Variants in DHX15 observed in about 807,000 individuals in gnomAD.
The protein encoded by DHX15 is DEAH-box helicase 15.
In DHX15, 11 loss-of-function variants were observed where a neutral mutation model predicts 94.4. That is an observed-to-expected ratio of 0.12 (90% CI 0.07 to 0.19). The LOEUF (loss-of-function observed/expected upper bound fraction) is 0.19. DHX15 is among the 10% of genes least tolerant of loss of function. DHX15 has a pLI of 1.00. For synonymous variants in DHX15, 338 were observed against 329.9 expected, an observed-to-expected ratio of 1.02 and a Z score of -0.27; for missense variants, 304 against 988.5, an observed-to-expected ratio of 0.31 and a Z score of 9.29.
intron 3 of DHX15, among the ~76,000 whole-genome samples, chr4:24,570,273 T>C (rs1722091738): frequency 6.6e-6 from 1 of 151,448 alleles, no homozygotes; most frequent in Admixed American, 6.6e-5. Flanking sequence ...CCTAAATAAA[T>C]CACATCCCAT....
Position 24,527,862 on chromosome 4 carries a change from C to G in DHX15, c.*62G>C, listed in dbSNP as rs1474858041. 4.0e-6 allele frequency: 5 copies of G among 1,262,550 alleles called. No individual in the cohort carries two copies. The highest frequency in any genetic ancestry group is 5.8e-6 in the Non-Finnish European group (5 of 865,670). 78.2% of individuals were successfully genotyped at this position (1,262,550 alleles called of 1,614,324 possible). A position where few individuals can be genotyped will look rare whatever the true frequency, so the allele number is the denominator to read the frequency against. The stretch of plus-strand genomic sequence containing the variant: ...ACCAACGTGAAGAGCACAACTCGAA[C>G]TTTTGAGTTCATTCATCTTTTAAAG... On this transcript the variant is annotated 3_prime_UTR_variant, in exon 14 of 14. Transcript: ENST00000336812.
intron 6 of DHX15, among the ~76,000 whole-genome samples, chr4:24,545,972 A>T (rs1387689928): frequency 2.0e-5 from 3 of 152,056 alleles, no homozygotes; most frequent in Non-Finnish European, 4.4e-5. Context: ...TCCCTCAATA[A>T]CCTGCCTTCT....
At chr4:24,547,903 G>GTGTA (rs1721469206) in intron 6 of DHX15, among the ~76,000 whole-genome samples, 14 of 70,664 alleles carry the variant, frequency 2.0e-4, no homozygotes, top group African/African-American at 6.7e-4. Flanking sequence ...GTATGTATGT[G>GTGTA]TATATATATA....
intron 3 of DHX15, among the ~76,000 whole-genome samples, chr4:24,567,929 G>T (rs1340708992): frequency 6.6e-6 from 1 of 152,270 alleles, no homozygotes; most frequent in African/African-American, 2.4e-5. Flanking sequence ...ACTGGGATGG[G>T]GTAGCCATTT....
Position 24,584,249 on chromosome 4 carries a change from C to T in DHX15, c.71+74G>A, listed in dbSNP as rs1200658093. On this transcript the variant is annotated intron_variant, in intron 1 of 13. Coordinates refer to ENST00000336812, the MANE Select transcript of DHX15 (RefSeq NM_001358.3). The stretch of plus-strand genomic sequence containing the variant: ...GGGCTCCAGGACCCGCTCGGCCAGG[C>T]CAGCCCCGGCCCGCTCCCTGCCAGG... The T allele has an allele frequency of 2.7e-6, 4 of 1,463,410 alleles. No individual in the cohort carries two copies. The African/African-American group carries it at 4.3e-5, about 16-fold the overall frequency. 90.7% of individuals were successfully genotyped at this position (1,463,410 alleles called of 1,614,324 possible). A position where few individuals can be genotyped will look rare whatever the true frequency, so the allele number is the denominator to read the frequency against.
intron 6 of DHX15, among the ~76,000 whole-genome samples, chr4:24,548,632 C>A (rs1721512281): frequency 6.6e-6 from 1 of 152,188 alleles, no homozygotes; most frequent in Non-Finnish European, 1.5e-5. Context: ...CTTAACCCAT[C>A]CTAACTAATC....
chr4:24,569,572 A>G (rs1722071612), intron 3 of DHX15, among the ~76,000 whole-genome samples: 1 of 141,776 alleles, frequency 7.1e-6, no homozygotes, highest in Non-Finnish European at 1.5e-5. Flanking sequence ...AGCCTGGGCA[A>G]CAGAGTGAGA....
chr4:24,546,931 A>C (rs1721438233), intron 6 of DHX15, among the ~76,000 whole-genome samples: 1 of 146,706 alleles, frequency 6.8e-6, no homozygotes, highest in Non-Finnish European at 1.5e-5. Flanking sequence ...ATTTTTTCAC[A>C]ATTAGACACA....
chr4:24,561,363 G>A (rs1721869317), intron 3 of DHX15, among the ~76,000 whole-genome samples: 1 of 152,146 alleles, frequency 6.6e-6, no homozygotes, highest in Non-Finnish European at 1.5e-5. Context: ...CTGCTGGTGG[G>A]ATTGTATTAG....
intron 9 of DHX15, 28 bp from the exon 10 acceptor site, chr4:24,540,327 A>G (rs1401755822): frequency 6.3e-7 from 1 of 1,582,412 alleles, no homozygotes; most frequent in African/African-American, 1.4e-5. Context: ...TCTATTAGAC[A>G]CGGTGCCTTA....
chr4:24,583,924 G>A (rs1446218547), intron 1 of DHX15, among the ~76,000 whole-genome samples: 1 of 152,140 alleles, frequency 6.6e-6, no homozygotes, highest in Non-Finnish European at 1.5e-5. Flanking sequence ...GCTGCCCTTG[G>A]AAGCGAATAC....
intron 11 of DHX15, chr4:24,533,285 T>C (rs1028096127): frequency 1.3e-5 from 7 of 553,130 alleles, no homozygotes; most frequent in Non-Finnish European, 2.3e-5. Flanking sequence ...GCCAAAACAA[T>C]GCTTTTGAAT....
intron 1 of DHX15, 107 bp downstream of exon 1, chr4:24,584,216 A>C (rs1722552308): frequency 8.4e-7 from 1 of 1,194,662 alleles, no homozygotes; most frequent in East Asian, 2.7e-5. Context: ...AGAGAGAAAC[A>C]AAGGCTCGGG....
chr4:24,530,116 T>C (rs1199455222), intron 12 of DHX15: 2 of 350,132 alleles, frequency 5.7e-6, no homozygotes, highest in East Asian at 1.5e-4. Flanking sequence ...GCATGCCCAT[T>C]TGTCTATACC....
intron 12 of DHX15, 53 bp downstream of exon 12, chr4:24,532,806 TAATAG>T (rs1403834467): frequency 7.6e-7 from 1 of 1,324,224 alleles, no homozygotes; most frequent in African/African-American, 1.5e-5. Context: ...AAAGGACTGT[TAATAG>T]AAATCAGTGT....
chr4:24,547,920 T>TAG, intron 6 of DHX15, among the ~76,000 whole-genome samples: 1 of 52,770 alleles, frequency 1.9e-5, no homozygotes, highest in African/African-American at 8.7e-5. Context: ...TATATATATA[T>TAG]ATATATATAT....
At chr4:24,538,995 T>C (rs528963089) in intron 10 of DHX15, 100 of 152,130 alleles carry the variant, frequency 6.6e-4, no homozygotes, top group African/African-American at 2.3e-3. Flanking sequence ...AAACAACATA[T>C]AAGAAAGGCA....
intron 3 of DHX15, among the ~76,000 whole-genome samples, chr4:24,560,645 G>A (rs1241900795): frequency 6.6e-6 from 1 of 152,116 alleles, no homozygotes; most frequent in Non-Finnish European, 1.5e-5. Context: ...TATGGGCAAA[G>A]CATATGATGA....
chr4:24,552,877 C>CTGTGGAAAG (rs1241951936), intron 5 of DHX15, among the ~76,000 whole-genome samples: 1 of 152,300 alleles, frequency 6.6e-6, no homozygotes, highest in East Asian at 1.9e-4. Flanking sequence ...CTTCCTTTCC[C>CTGTGGAAAG]CAGCTGTGGG....
Sources: gnomAD v4.1 joint callset for allele counts (sites outside exome capture counted in the v4.1 genomes callset) on GRCh38, gnomAD v4.1.1 for gene constraint, MANE v1.5 for transcripts, NCBI Gene and HGNC (gene_info 2026-07-23, HGNC 2026-07-21) for gene names.